DTNB: variants seen among roughly 807,000 people sequenced by gnomAD.
DTNB encodes the protein DTN-B.
DTNB carries 63 observed loss-of-function variants against 90.7 expected under a neutral mutation model. That is an observed-to-expected ratio of 0.69 (90% confidence interval 0.57 to 0.86). DTNB has a LOEUF of 0.86. DTNB is among the 40% of genes least tolerant of loss of function. The pLI is 0.00. For missense variants in DTNB, 744 were observed against 807.1 expected (o/e 0.92, Z 0.95); for synonymous variants, 277 against 286.7 (o/e 0.97, Z 0.34).
intron 9 of DTNB, among the ~76,000 whole-genome samples, chr2:25,484,709 C>T (rs1390562943): frequency 6.6e-6 from 1 of 152,160 alleles, no homozygotes; most frequent in African/African-American, 2.4e-5. Flanking sequence ...GTTCTACATT[C>T]CTCCCTTTGT....
At chr2:25,496,212 T>A (rs1404341030) in intron 9 of DTNB, among the ~76,000 whole-genome samples, 2 of 152,212 alleles carry the variant, frequency 1.3e-5, no homozygotes, top group Non-Finnish European at 2.9e-5. Flanking sequence ...GAGAGTCTTA[T>A]AAACCGGATC....
intron 10 of DTNB, among the ~76,000 whole-genome samples, chr2:25,476,465 G>C (rs1396808782): frequency 1.3e-5 from 2 of 152,198 alleles, no homozygotes; most frequent in African/African-American, 4.8e-5. Flanking sequence ...TCTGGACAAA[G>C]TAAATTGAAA....
chr2:25,433,862 C>T lies in DTNB; in HGVS notation c.1343+48G>A, dbSNP rs370980008. ...AAGGAAAATGAGAATCAGATACGCA[C>T]GTGATAATCCTGGACTCTGGAAGTG... On this transcript the variant is annotated intron_variant, in intron 13 of 20. Transcript: ENST00000406818. 3.3e-5 allele frequency: 53 copies of T among 1,596,170 alleles called. No homozygotes were observed. The African/African-American group carries it at 4.2e-4, about 13-fold the overall frequency.
At chr2:25,515,168 C>A (rs1027228739) in intron 9 of DTNB, among the ~76,000 whole-genome samples, 1 of 151,456 alleles carries the variant, frequency 6.6e-6, no homozygotes, top group African/African-American at 2.4e-5. Flanking sequence ...AAAAGCAGAA[C>A]AAACACACCG....
intron 4 of DTNB, among the ~76,000 whole-genome samples, chr2:25,608,262 T>A (rs1252965258): frequency 6.6e-6 from 1 of 152,240 alleles, no homozygotes; most frequent in African/African-American, 2.4e-5. Context: ...CCTATTTATA[T>A]CCACAATGGT....
At chr2:25,662,926 C>T (rs1015548181) in intron 1 of DTNB, among the ~76,000 whole-genome samples, 22 of 152,152 alleles carry the variant, frequency 1.4e-4, no homozygotes, top group African/African-American at 4.8e-4. Flanking sequence ...TTAAGTTCTG[C>T]GATACATGTG....
intron 8 of DTNB, among the ~76,000 whole-genome samples, chr2:25,540,055 T>G (rs2080848067): frequency 6.6e-6 from 1 of 152,228 alleles, no homozygotes; most frequent in Non-Finnish European, 1.5e-5. Flanking sequence ...GACTACAGCT[T>G]CCTCCTGTCT....
At chr2:25,507,696 C>T (rs543374073) in intron 9 of DTNB, among the ~76,000 whole-genome samples, 18 of 152,304 alleles carry the variant, frequency 1.2e-4, no homozygotes, top group African/African-American at 3.6e-4. Context: ...TTCTCTACAG[C>T]GGCCAGAAAG....
chr2:25,490,135 G>A (rs1234051973), intron 9 of DTNB, among the ~76,000 whole-genome samples: 1 of 152,106 alleles, frequency 6.6e-6, no homozygotes, highest in Non-Finnish European at 1.5e-5. Flanking sequence ...AATCAGCTAG[G>A]TGTGGTGGCA....
intron 5 of DTNB, among the ~76,000 whole-genome samples, chr2:25,603,887 T>C (rs1412861935): frequency 1.7e-4 from 26 of 152,164 alleles, no homozygotes; most frequent in Admixed American, 1.7e-3. Flanking sequence ...GGCTGCACAA[T>C]TATTCAGCCA....
At chr2:25,461,374 C>A (rs965434763) in intron 10 of DTNB, among the ~76,000 whole-genome samples, 1 of 152,032 alleles carries the variant, frequency 6.6e-6, no homozygotes, top group Non-Finnish European at 1.5e-5. Context: ...CAAAGTTGTA[C>A]CTAGTTTACC....
chr2:25,378,140 T>C (rs1027472209), intron 20 of DTNB, among the ~76,000 whole-genome samples: 10 of 152,178 alleles, frequency 6.6e-5, no homozygotes, highest in South Asian at 2.1e-4. Flanking sequence ...CAGTTCCTTC[T>C]GCCCCGGGGA....
At chr2:25,662,681 A>ACACACACAAACACAC (rs35419647) in intron 1 of DTNB, among the ~76,000 whole-genome samples, 5 of 104,462 alleles carry the variant, frequency 4.8e-5, no homozygotes, top group Non-Finnish European at 4.0e-5. Context: ...CACACACACA[A>ACACACACAAACACAC]ACACACACAC....
intron 14 of DTNB, 122 bp downstream of exon 14, chr2:25,432,764 G>A (rs761504054): frequency 3.0e-6 from 3 of 990,972 alleles, no homozygotes; most frequent in Non-Finnish European, 4.6e-6. Context: ...ACTCTTCAGT[G>A]GTCTGCGCTC....
intron 7 of DTNB, among the ~76,000 whole-genome samples, chr2:25,579,463 G>A (rs555860781): frequency 3.9e-5 from 6 of 152,078 alleles, no homozygotes; most frequent in East Asian, 1.9e-4. Flanking sequence ...GCTCTTCCTC[G>A]TTCTCTTTTG....
chr2:25,587,132 G>A (rs956146473), intron 6 of DTNB, among the ~76,000 whole-genome samples: 2 of 152,166 alleles, frequency 1.3e-5, no homozygotes, highest in Admixed American at 1.3e-4. Flanking sequence ...TGAAAAGGTA[G>A]ACTGTGGTTC....
intron 6 of DTNB, among the ~76,000 whole-genome samples, chr2:25,593,719 C>A (rs994490998): frequency 1.3e-5 from 2 of 152,168 alleles, no homozygotes; most frequent in African/African-American, 4.8e-5. Context: ...TTAACAACTG[C>A]ACTTTTAAAA....
At chr2:25,500,984 G>A (rs1229808307) in intron 9 of DTNB, among the ~76,000 whole-genome samples, 3 of 152,184 alleles carry the variant, frequency 2.0e-5, no homozygotes, top group East Asian at 1.9e-4. Flanking sequence ...GGGGCCCCCC[G>A]AAAAGCAGAG....
chr2:25,558,421 A>G, intron 8 of DTNB: 1 of 985,408 alleles, frequency 1.0e-6, no homozygotes, highest in Non-Finnish European at 1.2e-6. Context: ...CAAGAACAAA[A>G]AAAAGATCTA....
Sources: allele counts gnomAD v4.1 joint callset (sites outside exome capture counted in the v4.1 genomes callset), GRCh38; gene constraint gnomAD v4.1.1; transcripts MANE v1.5; gene names NCBI Gene and HGNC (gene_info 2026-07-23, HGNC 2026-07-21).